Variants in KAZN observed in about 807,000 individuals in gnomAD.
KAZN encodes the protein kazrin.
KAZN carries 40 observed loss-of-function variants against 87.4 expected under a neutral mutation model. The ratio of observed to expected loss-of-function variants is 0.46; its 90% CI spans 0.36 to 0.60. KAZN has a LOEUF of 0.60. KAZN is among the 20% of genes least tolerant of loss of function. KAZN has a pLI of 0.00. For missense variants in KAZN, 898 were observed against 1,073.9 expected (o/e 0.84, Z 2.29); for synonymous variants, 466 against 458.3 (o/e 1.02, Z -0.22).
chr1:14,561,270 G>A (rs1315767337), intron 2 of KAZN, among the ~76,000 whole-genome samples: 3 of 152,204 alleles, frequency 2.0e-5, no homozygotes, highest in Non-Finnish European at 4.4e-5. Context: ...AATATTCCGA[G>A]TGGGTAAACA....
chr1:14,342,261 C>T (rs922796482), intron 2 of KAZN, among the ~76,000 whole-genome samples: 14 of 152,270 alleles, frequency 9.2e-5, no homozygotes, highest in African/African-American at 2.9e-4. Context: ...GTTGATTCCA[C>T]GTCTGTGCTA....
At chr1:14,482,189 C>G (rs954570300) in intron 2 of KAZN, among the ~76,000 whole-genome samples, 1 of 152,162 alleles carries the variant, frequency 6.6e-6, no homozygotes, top group Non-Finnish European at 1.5e-5. Flanking sequence ...ATGCTCACCC[C>G]CTCCCGCTAG....
At position 14,889,057 on chromosome 1, in the gene KAZN, C is replaced by T. The variant is rs143540588; in HGVS notation, c.227-71627C>T. On this transcript the variant is annotated intron_variant, in intron 1 of 14. Coordinates refer to ENST00000376030, the MANE Select transcript of KAZN (RefSeq NM_201628.3). ...TCTCATAGTGTTTTAAGAAAGTTTACGAATTTGTGTTGGGCTGCATTCAGA... is the reference window on the plus strand; with the variant it reads ...TCTCATAGTGTTTTAAGAAAGTTTATGAATTTGTGTTGGGCTGCATTCAGA... Among the ~76,000 whole-genome samples, 1,161 of 152,268 alleles carry T rather than the reference C, an allele frequency of 7.6e-3. 18 individuals are homozygous for T. The highest frequency in any genetic ancestry group is 0.026 in the African/African-American group (1,079 of 41,562).
intron 2 of KAZN, among the ~76,000 whole-genome samples, chr1:14,416,940 G>A (rs1468324838): frequency 1.3e-5 from 2 of 151,088 alleles, no homozygotes; most frequent in African/African-American, 4.9e-5. Context: ...ATATGTGTGT[G>A]AGCGTGTATA....
chr1:14,796,278 C>G (rs56127203), intron 1 of KAZN, among the ~76,000 whole-genome samples: 22,342 of 152,176 alleles, frequency 0.15, 1,900 homozygotes, highest in Middle Eastern at 0.2. Flanking sequence ...ACCCTCTCCC[C>G]ACCCACACCC....
intron 1 of KAZN, among the ~76,000 whole-genome samples, chr1:14,753,776 G>T (rs1327004230): frequency 6.6e-6 from 1 of 152,126 alleles, no homozygotes; most frequent in Non-Finnish European, 1.5e-5. Flanking sequence ...CTCTAGGGAG[G>T]GAACACACTA....
Position 15,018,060 on chromosome 1 carries a change from C to CT in KAZN, c.419-16685dup, listed in dbSNP as rs1293521344. Among the ~76,000 whole-genome samples, 3 of 152,212 alleles carry CT rather than the reference C, an allele frequency of 2.0e-5. No homozygotes were observed. In the East Asian group the frequency reaches 5.8e-4, roughly 29 times the overall value. ...GGCTTCCCCCCAGCCTGCAAACTCC[C>CT]TTTTCTCCCCCTCCATTTTTCTGGG... On this transcript the variant is annotated intron_variant, in intron 2 of 14. Coordinates refer to ENST00000376030, the MANE Select transcript of KAZN (RefSeq NM_201628.3).
chr1:14,226,704 T>C (rs934115961), intron 2 of KAZN, among the ~76,000 whole-genome samples: 2 of 152,196 alleles, frequency 1.3e-5, no homozygotes, highest in Non-Finnish European at 2.9e-5. Context: ...ATATACACCA[T>C]GCAATACTAC....
At chr1:14,604,017 C>G (rs1227371509) in intron 1 of KAZN, among the ~76,000 whole-genome samples, 1 of 152,186 alleles carries the variant, frequency 6.6e-6, no homozygotes, top group Non-Finnish European at 1.5e-5. Context: ...ACGAACTCCT[C>G]TGTTCTTTCC....
At chr1:13,981,087 CTTTATATA>C (rs201867715) in intron 1 of KAZN, among the ~76,000 whole-genome samples, 2 of 8,304 alleles carry the variant, frequency 2.4e-4, no homozygotes, top group African/African-American at 4.9e-4. Flanking sequence ...AAAAATTACT[CTTTATATA>C]TATATATATA....
chr1:15,100,002 T>C (rs1222980005), intron 10 of KAZN, among the ~76,000 whole-genome samples: 2 of 152,122 alleles, frequency 1.3e-5, no homozygotes, highest in Middle Eastern at 3.4e-3. Context: ...AACTGAGCCA[T>C]TAAGTATGAC....
At chr1:14,104,747 AGAGCAG>A (rs1644331632) in intron 1 of KAZN, among the ~76,000 whole-genome samples, 1 of 152,218 alleles carries the variant, frequency 6.6e-6, no homozygotes, top group Admixed American at 6.5e-5. Context: ...ATCATTTTTC[AGAGCAG>A]GCGATTGATT....
intron 2 of KAZN, among the ~76,000 whole-genome samples, chr1:15,028,431 G>A (rs1671383340): frequency 1.3e-5 from 2 of 152,258 alleles, no homozygotes; most frequent in African/African-American, 4.8e-5. Context: ...GCCATGCCTT[G>A]CAGGCTGGCA....
At chr1:13,977,237 A>T (rs7556509) in intron 1 of KAZN, among the ~76,000 whole-genome samples, 20,954 of 152,222 alleles carry the variant, frequency 0.14, 1,568 homozygotes, top group South Asian at 0.2. Context: ...GAGGTATCAC[A>T]GGTACATTGG....
At position 14,971,670 on chromosome 1, in the gene KAZN, TTTTTC is replaced by T. The variant is rs1314593815; in HGVS notation, c.418+10800_418+10804del. Among the ~76,000 whole-genome samples, 736 of 147,404 alleles carry T rather than the reference TTTTTC, an allele frequency of 5.0e-3. 8 individuals carry two copies. The highest frequency in any genetic ancestry group is 0.018 in the African/African-American group (697 of 38,682). ...GGAGGCACCAGGAGTTGTTTTTTTTTTTTTCTTTTTCTTTTTTTTTTTTTTTTTTG... is the reference window on the plus strand; with the variant it reads ...GGAGGCACCAGGAGTTGTTTTTTTTTTTTTTCTTTTTTTTTTTTTTTTTTG... On this transcript the variant is annotated intron_variant, in intron 2 of 14. Transcript: ENST00000376030.
At chr1:14,075,626 G>A (rs1239829093) in intron 1 of KAZN, among the ~76,000 whole-genome samples, 1 of 152,140 alleles carries the variant, frequency 6.6e-6, no homozygotes, top group Non-Finnish European at 1.5e-5. Flanking sequence ...ACCCATGCAT[G>A]CTCAGAACAA....
chr1:14,356,481 T>C (rs1557659634), intron 2 of KAZN, among the ~76,000 whole-genome samples: 1 of 152,234 alleles, frequency 6.6e-6, no homozygotes, highest in African/African-American at 2.4e-5. Flanking sequence ...TTTGGTGTTT[T>C]AGTCATGAAG....
chr1:14,720,686 C>T (rs1297744808), intron 1 of KAZN, among the ~76,000 whole-genome samples: 2 of 152,272 alleles, frequency 1.3e-5, no homozygotes, highest in South Asian at 2.1e-4. Flanking sequence ...CTCACATCGG[C>T]AGGCTTTCCT....
chr1:15,003,064 G>T (rs574150461), intron 2 of KAZN, among the ~76,000 whole-genome samples: 1 of 151,816 alleles, frequency 6.6e-6, no homozygotes, highest in African/African-American at 2.4e-5. Context: ...ATCCTCAGGC[G>T]ACAGAAGGGC....
Sources: gnomAD v4.1 joint callset for allele counts (sites outside exome capture counted in the v4.1 genomes callset) on GRCh38, gnomAD v4.1.1 for gene constraint, MANE v1.5 for transcripts, NCBI Gene and HGNC (gene_info 2026-07-23, HGNC 2026-07-21) for gene names.